CRADD: variants seen among roughly 807,000 people sequenced by gnomAD.
CRADD encodes the protein CARD and death domain containing adaptor protein, also known as death domain-containing protein CRADD.
Under a neutral mutation model 15.5 loss-of-function variants are expected in CRADD, and 9 were observed. The observed-to-expected ratio is 0.58, with a 90% CI of 0.35 to 1.01. CRADD has a LOEUF of 1.01. Ranked by LOEUF, CRADD falls within the 50% of genes least tolerant of loss-of-function variation. The pLI is 0.02. For synonymous variants in CRADD, 118 were observed against 107.6 expected (o/e 1.10, Z -0.60); for missense variants, 227 against 250.3 (o/e 0.91, Z 0.63).
intron 2 of CRADD, among the ~76,000 whole-genome samples, chr12:93,825,822 G>A (rs190837171): frequency 8.4e-4 from 128 of 152,306 alleles, no homozygotes; most frequent in African/African-American, 3.0e-3. Context: ...ACCCTTTGAT[G>A]CCACAGAGGA....
At chr12:93,799,066 C>T (rs928054597) in intron 2 of CRADD, among the ~76,000 whole-genome samples, 2 of 152,092 alleles carry the variant, frequency 1.3e-5, no homozygotes, top group Admixed American at 6.5e-5. Flanking sequence ...AAAGGACATG[C>T]ATTTCTACCA....
intron 2 of CRADD, among the ~76,000 whole-genome samples, chr12:93,803,050 T>G (rs1238941715): frequency 6.6e-6 from 1 of 152,228 alleles, no homozygotes; most frequent in African/African-American, 2.4e-5. Flanking sequence ...ATTGATGACC[T>G]TTGGAAGCTG....
chr12:93,849,786 AC>A (rs1292674509), intron 2 of CRADD, among the ~76,000 whole-genome samples, 183 bp from the exon 3 acceptor site: 1 of 151,970 alleles, frequency 6.6e-6, no homozygotes, highest in African/African-American at 2.4e-5. Context: ...TTTCACAGAT[AC>A]TTAACAGCAT....
At chr12:93,823,008 G>A (rs375972204) in intron 2 of CRADD, among the ~76,000 whole-genome samples, 1 of 152,144 alleles carries the variant, frequency 6.6e-6, no homozygotes. Context: ...GAATATGCTC[G>A]CATTGGCCGG....
At chr12:93,790,097 A>G (rs1565915070) in intron 2 of CRADD, among the ~76,000 whole-genome samples, 3 of 152,192 alleles carry the variant, frequency 2.0e-5, no homozygotes, top group Admixed American at 6.5e-5. Flanking sequence ...AACTCCTAAG[A>G]AGTTTAAGTT....
At chr12:93,708,221 G>GATGA (rs2136853879) in intron 2 of CRADD, 1 of 152,322 alleles carries the variant, frequency 6.6e-6, no homozygotes, top group East Asian at 1.9e-4. Flanking sequence ...ATACACAAGA[G>GATGA]ATGAATAGAA....
In CRADD at chr12:93,678,978, A is replaced by G. The variant is rs768024377; in HGVS notation, c.204A>G (p.Ala68=). 6.2e-6 allele frequency: 10 copies of G among 1,613,984 alleles called. No homozygotes were observed. Among genetic ancestry groups the G allele is most frequent in the South Asian group, 1.1e-5 (1 of 91,094 alleles). ...TCCTACCTTCCAGGGGCCCTAAAGCATTTGATACATTCCTAGATTCCCTAC... is the reference window on the plus strand; with the variant it reads ...TCCTACCTTCCAGGGGCCCTAAAGCGTTTGATACATTCCTAGATTCCCTAC... The part of the protein sequence containing the change: ...LDILPSRGPK[A]FDTFLDSLQE... Residue 68 remains alanine, a synonymous_variant, in exon 2 of 3, where the codon GCA becomes GCG. Coordinates refer to ENST00000332896, the MANE Select transcript of CRADD (RefSeq NM_003805.5).
chr12:93,743,136 G>C (rs1469317828), intron 2 of CRADD, among the ~76,000 whole-genome samples: 1 of 152,142 alleles, frequency 6.6e-6, no homozygotes, highest in Non-Finnish European at 1.5e-5. Flanking sequence ...TAGAGTAATA[G>C]TAACTTAACT....
chr12:93,719,646 T>C (rs1431609430), intron 2 of CRADD, among the ~76,000 whole-genome samples: 2 of 152,184 alleles, frequency 1.3e-5, no homozygotes, highest in Non-Finnish European at 2.9e-5. Flanking sequence ...ACTTAGATTG[T>C]TTATTTTTGT....
intron 2 of CRADD, chr12:93,815,172 GTT>G (rs1373098992): frequency 6.6e-6 from 1 of 152,134 alleles, no homozygotes; most frequent in Non-Finnish European, 1.5e-5. Context: ...ATCCGACTAT[GTT>G]TTCTATATAA....
intron 2 of CRADD, among the ~76,000 whole-genome samples, chr12:93,886,887 A>G (rs1397424512): frequency 6.6e-6 from 1 of 152,182 alleles, no homozygotes; most frequent in African/African-American, 2.4e-5. Flanking sequence ...TTAATAGCAG[A>G]ACTGTTTGGG....
intron 2 of CRADD, among the ~76,000 whole-genome samples, chr12:93,728,448 A>C (rs944707228): frequency 6.6e-6 from 1 of 152,250 alleles, no homozygotes; most frequent in Non-Finnish European, 1.5e-5. Context: ...AAATACGTCA[A>C]TATCACTTTT....
intron 2 of CRADD, among the ~76,000 whole-genome samples, chr12:93,866,668 G>A (rs1958370107): frequency 6.6e-6 from 1 of 152,154 alleles, no homozygotes; most frequent in African/African-American, 2.4e-5. Flanking sequence ...TGTATTGTGG[G>A]TGGGGCTTCA....
chr12:93,788,234 A>G (rs1330229665), intron 2 of CRADD, among the ~76,000 whole-genome samples: 1 of 152,220 alleles, frequency 6.6e-6, no homozygotes, highest in Non-Finnish European at 1.5e-5. Flanking sequence ...GCACCTCTTC[A>G]CAAGGTGGCA....
chr12:93,725,062 G>A (rs1323705580), intron 2 of CRADD, among the ~76,000 whole-genome samples: 4 of 151,974 alleles, frequency 2.6e-5, no homozygotes, highest in Middle Eastern at 6.8e-3. Flanking sequence ...GGGTTTCATC[G>A]TGTTAGCCAG....
chr12:93,773,701 G>A (rs115074518), intron 2 of CRADD, among the ~76,000 whole-genome samples: 253 of 152,114 alleles, frequency 1.7e-3, no homozygotes, highest in African/African-American at 5.8e-3. Flanking sequence ...CTGGCTGGCA[G>A]GAGACGGGAG....
chr12:93,802,450 C>T (rs1255852721), intron 2 of CRADD, among the ~76,000 whole-genome samples: 1 of 152,082 alleles, frequency 6.6e-6, no homozygotes, highest in Non-Finnish European at 1.5e-5. Context: ...AGTGTGAAAA[C>T]AGACTAGAAC....
At chr12:93,856,614 G>A (rs1423302694) in intron 2 of CRADD, among the ~76,000 whole-genome samples, 1 of 152,196 alleles carries the variant, frequency 6.6e-6, no homozygotes, top group East Asian at 1.9e-4. Context: ...TTTACATCCA[G>A]TTTGACAAAT....
intron 2 of CRADD, among the ~76,000 whole-genome samples, chr12:93,754,110 G>T (rs1041441439): frequency 4.5e-4 from 69 of 152,238 alleles, no homozygotes; most frequent in African/African-American, 1.6e-3. Context: ...CTGTGCACCT[G>T]CAGGACCAAC....
Sources: gnomAD v4.1 joint callset for allele counts (sites outside exome capture counted in the v4.1 genomes callset) on GRCh38, gnomAD v4.1.1 for gene constraint, MANE v1.5 for transcripts, NCBI Gene and HGNC (gene_info 2026-07-23, HGNC 2026-07-21) for gene names.